The following ATR variants were observed in gnomAD, a reference collection of about 807,000 sequenced individuals.
ATR encodes ATR checkpoint kinase, also known as serine/threonine-protein kinase ATR.
Under a neutral mutation model 305.3 loss-of-function variants are expected in ATR, and 142 were observed. That is an observed-to-expected ratio of 0.47 (90% CI 0.41 to 0.53). ATR has a LOEUF of 0.53. ATR is among the 20% of genes least tolerant of loss of function. The probability of loss-of-function intolerance (pLI) is 0.00; values close to 1 mark genes in which losing one functional copy is unlikely to be tolerated. For synonymous variants in ATR, 1,050 were observed against 1,068.1 expected (o/e 0.98, Z 0.33); for missense variants, 2,135 against 3,133.1 (o/e 0.68, Z 7.60).
intron 21 of ATR, among the ~76,000 whole-genome samples, chr3:142,526,924 G>A (rs1365211941): frequency 6.6e-6 from 1 of 151,908 alleles, no homozygotes; most frequent in Non-Finnish European, 1.5e-5. Flanking sequence ...AAGTAGCTTG[G>A]ACTTTAGGCA....
rs1236192941 is a variant in ATR, at chr3:142,563,065, T to C, written c.337A>G (p.Thr113Ala). 1 of 1,601,182 alleles carries C rather than the reference T, an allele frequency of 6.2e-7. No homozygotes were observed. Among genetic ancestry groups the C allele is most frequent in the Non-Finnish European group, 8.5e-7 (1 of 1,176,668 alleles). ...IITRLLRIAA[T>A]PSCHLLHKKI... is the part of the protein sequence containing the mutation. ...TTGTGTAACAAATGACAGGAGGGAG[T>C]TGCTGCAATCCGCAGAAGTCTCGTT... Residue 113 changes from threonine (T) to alanine (A), a missense_variant, in exon 4 of 47, where the codon ACT (threonine) becomes GCT (alanine). Coordinates refer to ENST00000350721, the MANE Select transcript of ATR (RefSeq NM_001184.4).
Position 142,498,590 on chromosome 3 carries a change from A to G in ATR, c.5558+7T>C. The G allele has an allele frequency of 6.2e-7, 1 of 1,612,476 alleles. No homozygotes were observed. Among genetic ancestry groups the G allele is most frequent in the Non-Finnish European group, 8.5e-7 (1 of 1,179,746 alleles). On this transcript the variant is annotated splice_region_variant and intron_variant, in intron 32 of 46. Transcript: ENST00000350721. The stretch of plus-strand genomic sequence containing the variant: ...CCAGAAATATAAAAATGGAAATTCC[A>G]AAATACCTCACAATATATTCATATC...
chr3:142,513,459 A>T (rs2032686114), intron 26 of ATR, 42 bp downstream of exon 26: 1 of 1,602,554 alleles, frequency 6.2e-7, no homozygotes, highest in Admixed American at 1.7e-5. Flanking sequence ...GGAGAAAGTA[A>T]GTTTCACATG....
At chr3:142,459,505 A>C in intron 42 of ATR, 122 bp from the exon 43 acceptor site, 1 of 1,131,442 alleles carries the variant, frequency 8.8e-7, no homozygotes, top group South Asian at 1.4e-5. Context: ...AAAAACAAGA[A>C]TAAAGGAACA....
chr3:142,495,209 TAC>T, intron 34 of ATR, among the ~76,000 whole-genome samples: 1 of 152,286 alleles, frequency 6.6e-6, no homozygotes, highest in South Asian at 2.1e-4. Context: ...ATACATAGAC[TAC>T]CACTAGCTCA....
intron 1 of ATR, among the ~76,000 whole-genome samples, chr3:142,575,128 G>A (rs2035394822): frequency 6.6e-6 from 1 of 152,184 alleles, no homozygotes; most frequent in East Asian, 1.9e-4. Context: ...CCAAGGTGCT[G>A]AAGGATGTGG....
At chr3:142,565,736 A>G (rs1323053881) in intron 3 of ATR, among the ~76,000 whole-genome samples, 11 of 141,210 alleles carry the variant, frequency 7.8e-5, no homozygotes, top group African/African-American at 2.9e-4. Flanking sequence ...TCTTATTTAA[A>G]AAAAAAAAAA....
chr3:142,533,936 G>T (rs969061856), intron 21 of ATR, among the ~76,000 whole-genome samples: 9 of 151,150 alleles, frequency 6.0e-5, no homozygotes, highest in Non-Finnish European at 1.0e-4. Flanking sequence ...CTTTCCTTAA[G>T]ACTGTAAGAA....
At chr3:142,490,062 T>A (rs994888956) in intron 35 of ATR, among the ~76,000 whole-genome samples, 27 of 152,060 alleles carry the variant, frequency 1.8e-4, no homozygotes, top group Non-Finnish European at 1.5e-4. Context: ...CAGATCTGTA[T>A]TTTTTTTCTT....
intron 13 of ATR, 95 bp from the exon 14 acceptor site, chr3:142,550,397 A>C: frequency 7.7e-7 from 1 of 1,292,734 alleles, no homozygotes; most frequent in Non-Finnish European, 1.1e-6. Flanking sequence ...ATCAAATAGT[A>C]TTCTACATTA....
chr3:142,545,374 A>T (rs1486711568), intron 16 of ATR, among the ~76,000 whole-genome samples: 1 of 152,192 alleles, frequency 6.6e-6, no homozygotes, highest in African/African-American at 2.4e-5. Flanking sequence ...TTCCAAGCAG[A>T]GAGACCATCC....
At chr3:142,483,746 G>A (rs1443837981) in intron 36 of ATR, among the ~76,000 whole-genome samples, 1 of 152,016 alleles carries the variant, frequency 6.6e-6, no homozygotes, top group Non-Finnish European at 1.5e-5. Flanking sequence ...GTGAGCCAGA[G>A]TCGCTTGAAC....
intron 29 of ATR, 76 bp from the exon 30 acceptor site, chr3:142,503,529 T>C: frequency 1.2e-6 from 1 of 844,864 alleles, no homozygotes; most frequent in Non-Finnish European, 1.8e-6. Flanking sequence ...GTTTAACTGA[T>C]ATTCTTTAAA....
chr3:142,451,567 C>T, intron 46 of ATR: 16 of 1,321,428 alleles, frequency 1.2e-5, no homozygotes, highest in Non-Finnish European at 1.6e-5. Flanking sequence ...CTGTATGCTT[C>T]ATCCCAGCAG....
intron 36 of ATR, among the ~76,000 whole-genome samples, chr3:142,482,986 TTTC>T (rs1377166931): frequency 6.2e-5 from 9 of 146,080 alleles, no homozygotes; most frequent in Admixed American, 1.3e-4. Context: ...GCCCCCTTTC[TTTC>T]TTTTTTTTTT....
intron 27 of ATR, 22 bp from the exon 28 acceptor site, chr3:142,508,131 G>A (rs2032352285): frequency 1.9e-6 from 3 of 1,587,008 alleles, no homozygotes; most frequent in Non-Finnish European, 2.6e-6. Context: ...AAAAAGTTGA[G>A]TAATTAAAGA....
At position 142,560,288 on chromosome 3, in the gene ATR, G is replaced by T. The variant is rs781058647; in HGVS notation, c.1516C>A (p.His506Asn). 1.2e-6 allele frequency: 2 copies of T among 1,613,832 alleles called. No individual in the cohort carries two copies. Among genetic ancestry groups the T allele is most frequent in the South Asian group, 1.1e-5 (1 of 91,042 alleles). Residue 506 changes from histidine to asparagine, a missense_variant, in exon 6 of 47, where the codon CAT (histidine) becomes AAT (asparagine). His to Asn is a moderately conservative substitution (Grantham distance 68, BLOSUM62 1). Transcript: ENST00000350721. ...VLQLTALCTV[H>N]CSHQNMNCRT... ...CAGTTCATGTTTTGATGAGAACAAT[G>T]AACAGTACACAGAGCAGTCAGTTGT...
intron 15 of ATR, 79 bp downstream of exon 15, chr3:142,549,400 C>G: frequency 9.6e-7 from 1 of 1,039,286 alleles, no homozygotes; most frequent in East Asian, 2.7e-5. Context: ...TACTCACCCT[C>G]TTTCCTAGAA....
At chr3:142,562,171 T>A in intron 4 of ATR, 61 bp downstream of exon 4, 1 of 1,540,678 alleles carries the variant, frequency 6.5e-7, no homozygotes, top group Non-Finnish European at 9.0e-7. Flanking sequence ...TTTGCACATA[T>A]GTATACAATT....
Sources: gnomAD v4.1 joint callset for allele counts (sites outside exome capture counted in the v4.1 genomes callset) on GRCh38, gnomAD v4.1.1 for gene constraint, MANE v1.5 for transcripts, NCBI Gene and HGNC (gene_info 2026-07-23, HGNC 2026-07-21) for gene names.